Variants in SLC8A1 observed in about 807,000 individuals in gnomAD.
SLC8A1 encodes the protein sodium/calcium exchanger 1.
In SLC8A1, 18 loss-of-function variants were observed where a neutral mutation model predicts 68.3. The observed-to-expected ratio is 0.26, with a 90% CI of 0.18 to 0.39. SLC8A1 has a LOEUF of 0.39. Among genes scored for constraint, SLC8A1 ranks in the 10% least tolerant of loss-of-function variants. The pLI, the probability that SLC8A1 is intolerant of heterozygous loss-of-function variation, is 1.00. For synonymous variants in SLC8A1, 475 were observed against 415.5 expected, an observed-to-expected ratio of 1.14 and a Z score of -1.74; for missense variants, 985 against 1,156.7, an observed-to-expected ratio of 0.85 and a Z score of 2.15.
At chr2:40,412,170 C>T (rs545871370) in intron 2 of SLC8A1, among the ~76,000 whole-genome samples, 189 of 152,156 alleles carry the variant, frequency 1.2e-3, no homozygotes, top group African/African-American at 4.3e-3. Context: ...ACACAGGCTG[C>T]TTAGCGATAT....
intron 2 of SLC8A1, among the ~76,000 whole-genome samples, chr2:40,260,648 G>A (rs1008958297): frequency 3.3e-5 from 5 of 151,798 alleles, no homozygotes; most frequent in African/African-American, 9.7e-5. Flanking sequence ...AAGAGGAAAT[G>A]AGAAAGAAAA....
intron 4 of SLC8A1, among the ~76,000 whole-genome samples, chr2:40,172,787 A>G (rs1337098411): frequency 6.6e-6 from 1 of 151,980 alleles, no homozygotes; most frequent in Non-Finnish European, 1.5e-5. Flanking sequence ...CTAAAAATAC[A>G]AAAAATTAGC....
chr2:40,401,567 C>CAAAAAAAAAAAA (rs3060361), intron 2 of SLC8A1, among the ~76,000 whole-genome samples: 34 of 94,052 alleles, frequency 3.6e-4, no homozygotes, highest in East Asian at 1.3e-3. Context: ...ATAGGCCAGT[C>CAAAAAAAAAAAA]AAAAAAAAAA....
At chr2:40,125,425 A>G (rs1302504280) in intron 7 of SLC8A1, among the ~76,000 whole-genome samples, 1 of 152,120 alleles carries the variant, frequency 6.6e-6, no homozygotes, top group East Asian at 1.9e-4. Flanking sequence ...CCCACTATGA[A>G]AGTTTGCCCA....
intron 2 of SLC8A1, among the ~76,000 whole-genome samples, chr2:40,345,285 C>G (rs1345706265): frequency 1.3e-5 from 2 of 152,278 alleles, no homozygotes; most frequent in East Asian, 3.9e-4. Flanking sequence ...TCAATAACAA[C>G]ATCTGTATTT....
At chr2:40,454,857 G>C (rs1387261080), upstream of SLC8A1, among the ~76,000 whole-genome samples, 1 of 152,240 alleles carries the variant, frequency 6.6e-6, no homozygotes, top group Non-Finnish European at 1.5e-5. Context: ...ACAAGGCTGA[G>C]GAAGACTATG....
intron 2 of SLC8A1, among the ~76,000 whole-genome samples, chr2:40,356,491 T>C (rs1039708620): frequency 2.0e-5 from 3 of 152,038 alleles, no homozygotes; most frequent in African/African-American, 4.8e-5. Context: ...TATAAACACA[T>C]TTTCAAATTT....
chr2:40,118,420 T>G (rs1572747805), intron 7 of SLC8A1: 1 of 152,098 alleles, frequency 6.6e-6, no homozygotes, highest in Admixed American at 6.5e-5. Flanking sequence ...TATGGGCAGT[T>G]TGTGAATCCA....
chr2:40,471,199 ATAACT>A (rs1465574856), intron 1 of SLC8A1, among the ~76,000 whole-genome samples: 1 of 152,200 alleles, frequency 6.6e-6, no homozygotes, highest in Non-Finnish European at 1.5e-5. Flanking sequence ...ATAAGTATTG[ATAACT>A]TTATTTTATA....
exon 8 of SLC8A1, chr2:40,102,564 G>A (rs1026110676): frequency 1.3e-5 from 2 of 152,118 alleles, no homozygotes; most frequent in Non-Finnish European, 2.9e-5. Context: ...CAATCCAAGA[G>A]GCGGGATTGG....
At chr2:40,384,161 C>A (rs368587949) in intron 2 of SLC8A1, among the ~76,000 whole-genome samples, 38 of 151,902 alleles carry the variant, frequency 2.5e-4, no homozygotes, top group African/African-American at 8.0e-4. Context: ...GAGGCTGACA[C>A]ATGAAGATCA....
chr2:40,322,410 T>C (rs954614923), intron 2 of SLC8A1, among the ~76,000 whole-genome samples: 1 of 149,256 alleles, frequency 6.7e-6, no homozygotes. Context: ...GTAATCCCAG[T>C]GCTTTGGGAG....
At chr2:40,377,014 T>C (rs1680119493) in intron 2 of SLC8A1, among the ~76,000 whole-genome samples, 1 of 152,090 alleles carries the variant, frequency 6.6e-6, no homozygotes, top group Non-Finnish European at 1.5e-5. Context: ...ATGAATAGAA[T>C]ATGGCAAAGG....
At chr2:40,396,171 C>A (rs1245495946) in intron 2 of SLC8A1, among the ~76,000 whole-genome samples, 2 of 152,234 alleles carry the variant, frequency 1.3e-5, no homozygotes, top group South Asian at 2.1e-4. Flanking sequence ...AGCAGTTGGT[C>A]TCTAAGAGAA....
intron 2 of SLC8A1, among the ~76,000 whole-genome samples, chr2:40,361,165 G>C (rs1204921381): frequency 1.3e-5 from 2 of 152,138 alleles, no homozygotes; most frequent in Non-Finnish European, 2.9e-5. Context: ...GAATTCAAGA[G>C]ACCCTTGTTC....
chr2:40,404,174 C>A (rs1287409525), intron 2 of SLC8A1, among the ~76,000 whole-genome samples: 1 of 152,148 alleles, frequency 6.6e-6, no homozygotes, highest in Non-Finnish European at 1.5e-5. Context: ...GGATTACAGG[C>A]TTCAGCCACT....
intron 7 of SLC8A1, among the ~76,000 whole-genome samples, chr2:40,126,507 T>C (rs1216980656): frequency 6.6e-6 from 1 of 152,010 alleles, no homozygotes; most frequent in Non-Finnish European, 1.5e-5. Context: ...GGAGCTCATA[T>C]GAGAGTATCA....
At chr2:40,193,584 T>G (rs192799865) in intron 2 of SLC8A1, among the ~76,000 whole-genome samples, 1 of 152,176 alleles carries the variant, frequency 6.6e-6, no homozygotes. Flanking sequence ...GGTAGAGGGT[T>G]GATGGGAGGT....
In SLC8A1 at chr2:40,508,543, TA is replaced by T. The variant is rs1706509958; in HGVS notation, c.-25+3805del. On this transcript the variant is annotated intron_variant, in intron 1 of 7. Transcript: ENST00000402441. ...ACCATAATGTCACATATATATATTT[TA>T]TAGCTTTCAATAATTGTGGGTAGCA... Among the ~76,000 whole-genome samples, 3 of 152,086 alleles carry T rather than the reference TA, an allele frequency of 2.0e-5. No individual in the cohort carries two copies. The South Asian group carries it at 6.2e-4, about 31-fold the overall frequency.
Sources: gnomAD v4.1 joint callset for allele counts (sites outside exome capture counted in the v4.1 genomes callset) on GRCh38, gnomAD v4.1.1 for gene constraint, MANE v1.5 for transcripts, NCBI Gene and HGNC (gene_info 2026-07-23, HGNC 2026-07-21) for gene names.